Variants in FBXO25 observed in about 807,000 individuals in gnomAD.
The protein encoded by FBXO25 is F-box protein 25.
A neutral mutation model predicts 51.9 loss-of-function variants in FBXO25; 45 were observed. That is an observed-to-expected ratio of 0.87 (90% confidence interval 0.68 to 1.11). FBXO25 has a LOEUF of 1.11. Ranked by LOEUF, FBXO25 falls within the 50% of genes most tolerant of loss-of-function variation. FBXO25 has a pLI of 0.00. For missense variants in FBXO25, 507 were observed against 428.5 expected, an observed-to-expected ratio of 1.18 and a Z score of -1.62; for synonymous variants, 199 against 151.0, an observed-to-expected ratio of 1.32 and a Z score of -2.33.
intron 9 of FBXO25, among the ~76,000 whole-genome samples, chr8:465,479 A>G (rs536860732): frequency 6.6e-6 from 1 of 152,322 alleles, no homozygotes; most frequent in Middle Eastern, 3.4e-3. Flanking sequence ...TATTTTTCTT[A>G]GAACAATATT....
At chr8:444,733 A>G (rs1438675670) in intron 5 of FBXO25, among the ~76,000 whole-genome samples, 12 of 152,070 alleles carry the variant, frequency 7.9e-5, no homozygotes, top group South Asian at 4.2e-4. Context: ...ACATAAGATT[A>G]TTTCCTTTTT....
chr8:465,402 T>A (rs1800091462), intron 9 of FBXO25, among the ~76,000 whole-genome samples: 1 of 152,240 alleles, frequency 6.6e-6, no homozygotes, highest in Admixed American at 6.5e-5. Context: ...TTACAAGCAA[T>A]GATACTTTTA....
At chr8:432,778 A>C in intron 3 of FBXO25, 108 bp from the exon 4 acceptor site, 1 of 1,295,380 alleles carries the variant, frequency 7.7e-7, no homozygotes, top group Non-Finnish European at 1.0e-6. Context: ...TTGTCAATAT[A>C]GTAAGTCAGA....
chr8:435,299 G>C (rs1168607867), intron 4 of FBXO25: 2 of 343,624 alleles, frequency 5.8e-6, no homozygotes, highest in Admixed American at 9.6e-5. Flanking sequence ...TATGATCTTA[G>C]CTTTAACGTC....
rs371722049 is a variant in FBXO25, at chr8:407,968, T to C, written c.-8+902T>C. Reference sequence around the variant, plus strand: ...AACCATTTCTTCCCTTATGAAGCTGTCTCTTGCTGCCTCCAAATCCTTACC... The same window carrying C: ...AACCATTTCTTCCCTTATGAAGCTGCCTCTTGCTGCCTCCAAATCCTTACC... On this transcript the variant is annotated intron_variant, in intron 1 of 9. Coordinates refer to ENST00000350302, the MANE Select transcript of FBXO25 (RefSeq NM_183420.2). Among the ~76,000 whole-genome samples, 13 of 152,322 alleles carry C rather than the reference T, an allele frequency of 8.5e-5. No homozygotes were observed. In the East Asian group the frequency reaches 2.5e-3, roughly 29 times the overall value.
chr8:428,816 T>A (rs931054493), intron 2 of FBXO25, among the ~76,000 whole-genome samples: 5 of 152,194 alleles, frequency 3.3e-5, no homozygotes, highest in African/African-American at 1.2e-4. Flanking sequence ...TGTGACTGTC[T>A]TATCTCAGCG....
At chr8:409,149 A>T (rs963437574) in intron 1 of FBXO25, among the ~76,000 whole-genome samples, 3 of 152,168 alleles carry the variant, frequency 2.0e-5, no homozygotes, top group African/African-American at 7.2e-5. Flanking sequence ...TCCAGACCCC[A>T]GACGTTTTAA....
chr8:411,636 G>A (rs983066718), intron 1 of FBXO25, among the ~76,000 whole-genome samples: 1 of 152,130 alleles, frequency 6.6e-6, no homozygotes, highest in African/African-American at 2.4e-5. Flanking sequence ...ATGGAATACG[G>A]ACCTGAACAA....
intron 5 of FBXO25, 43 bp downstream of exon 5, chr8:435,750 A>C (rs1585044964): frequency 6.4e-7 from 1 of 1,559,498 alleles, no homozygotes; most frequent in East Asian, 2.3e-5. Context: ...ACTCTTTTGA[A>C]CAACTATATT....
rs568696472 is a variant in FBXO25 at position 439,996 on chromosome 8, A to G, written c.381+4289A>G. The stretch of plus-strand genomic sequence containing the variant: ...TTCAAATTTTTTCATAATTTCTACT[A>G]ATGACTACTCCATAGTAGCAACTTA... On this transcript the variant is annotated intron_variant, in intron 5 of 9. Transcript: ENST00000350302. Among the ~76,000 whole-genome samples the G allele has an allele frequency of 7.2e-5, 11 of 152,310 alleles. No individual in the cohort carries two copies. In the East Asian group the frequency reaches 9.6e-4, roughly 13 times the overall value.
chr8:409,935 C>G (rs1462474048), intron 1 of FBXO25, among the ~76,000 whole-genome samples: 2 of 152,162 alleles, frequency 1.3e-5, no homozygotes, highest in African/African-American at 2.4e-5. Flanking sequence ...CTCTGATAAA[C>G]TTTCTCCATT....
intron 2 of FBXO25, among the ~76,000 whole-genome samples, chr8:416,224 C>T (rs1221907050): frequency 2.0e-5 from 3 of 152,228 alleles, no homozygotes; most frequent in Non-Finnish European, 4.4e-5. Flanking sequence ...TGCTCTACTC[C>T]TCTTTGTGTT....
At chr8:466,670 C>A (rs1431938913) in intron 9 of FBXO25, among the ~76,000 whole-genome samples, 1 of 152,222 alleles carries the variant, frequency 6.6e-6, no homozygotes, top group Non-Finnish European at 1.5e-5. Flanking sequence ...AAGCTTGGAG[C>A]TCTCCAGTCA....
At chr8:416,993 C>T (rs1796843854) in intron 2 of FBXO25, among the ~76,000 whole-genome samples, 1 of 152,142 alleles carries the variant, frequency 6.6e-6, no homozygotes, top group Non-Finnish European at 1.5e-5. Flanking sequence ...AAACCTTAGG[C>T]AATGAGAGCA....
chr8:462,030 G>A (rs1281696149), intron 8 of FBXO25, among the ~76,000 whole-genome samples: 1 of 152,204 alleles, frequency 6.6e-6, no homozygotes, highest in Non-Finnish European at 1.5e-5. Flanking sequence ...TAGAATGGCT[G>A]AGTCATATGG....
chr8:450,660 A>C (rs562861246), intron 6 of FBXO25: 1 of 152,392 alleles, frequency 6.6e-6, no homozygotes, highest in South Asian at 2.1e-4. Context: ...TATCAGATAA[A>C]ATTTTAAAGT....
chr8:466,464 A>C (rs962405039), intron 9 of FBXO25, among the ~76,000 whole-genome samples: 1 of 152,192 alleles, frequency 6.6e-6, no homozygotes, highest in African/African-American at 2.4e-5. Flanking sequence ...GGTTAGGGTC[A>C]CTGCTTGTTC....
intron 2 of FBXO25, among the ~76,000 whole-genome samples, chr8:425,129 C>G (rs1295839201): frequency 1.3e-5 from 2 of 151,930 alleles, no homozygotes; most frequent in African/African-American, 4.8e-5. Flanking sequence ...CAGAAGCGCC[C>G]CCCGCCCCCC....
intron 5 of FBXO25, among the ~76,000 whole-genome samples, chr8:441,453 A>T (rs1798420081): frequency 6.6e-6 from 1 of 152,238 alleles, no homozygotes; most frequent in East Asian, 1.9e-4. Flanking sequence ...GGACATAGGC[A>T]TGGGCAAAGA....
Sources: allele counts gnomAD v4.1 joint callset (sites outside exome capture counted in the v4.1 genomes callset), GRCh38; gene constraint gnomAD v4.1.1; transcripts MANE v1.5; gene names NCBI Gene and HGNC (gene_info 2026-07-23, HGNC 2026-07-21).